The following MAX variants were observed in gnomAD, a reference collection of about 807,000 sequenced individuals.
MAX encodes the protein protein max.
A neutral mutation model predicts 22.3 loss-of-function variants in MAX; 3 were observed. That is an observed-to-expected ratio of 0.13 (90% CI 0.06 to 0.35). The LOEUF (loss-of-function observed/expected upper bound fraction) is 0.35. Among genes scored for constraint, MAX ranks in the 10% least tolerant of loss-of-function variants. The pLI is 1.00. For missense variants in MAX, 119 were observed against 209.4 expected (o/e 0.57, Z 2.66); for synonymous variants, 72 against 77.7 (o/e 0.93, Z 0.39).
Position 65,023,590 on chromosome 14 carries a change from G to A in MAX, c.172-17306C>T, listed in dbSNP as rs113783084. Among the ~76,000 whole-genome samples the A allele has an allele frequency of 2.4e-3, 367 of 152,268 alleles. No individual in the cohort carries two copies. Among genetic ancestry groups the A allele is most frequent in the Non-Finnish European group, 3.7e-3 (255 of 68,020 alleles). ...TATAGGTGTCTATAAACATCTATAC[G>A]TGTTCTATATTGGCCACTAGCCACA... On this transcript the variant is annotated intron_variant, in intron 3 of 3. Transcript: ENST00000341653. This position sits in a 1 kb window ranked among gnomAD's most constrained non-coding sequence, Gnocchi z 4.1.
At position 65,078,500 on chromosome 14, in the gene MAX, T is replaced by C. The variant is rs2063120144; in HGVS notation, c.172-464A>G. On this transcript the variant is annotated intron_variant, in intron 3 of 4. Transcript: ENST00000358664. This position sits in a 1 kb window ranked among gnomAD's most constrained non-coding sequence, Gnocchi z 6.4. ...ATTATAGGTCACAGGTGTGAGCCACTGCGCCCAGCCTGTTGTTGTTGTTGT... is the reference window on the plus strand; with the variant it reads ...ATTATAGGTCACAGGTGTGAGCCACCGCGCCCAGCCTGTTGTTGTTGTTGT... 6.6e-6 allele frequency among the ~76,000 whole-genome samples: 1 copy of C among 151,588 alleles called. No individual in the cohort carries two copies. Among genetic ancestry groups the C allele is most frequent in the African/African-American group, 2.4e-5 (1 of 41,298 alleles).
At chr14:65,096,140 G>A (rs2139911891) in intron 2 of MAX, among the ~76,000 whole-genome samples, 1 of 152,306 alleles carries the variant, frequency 6.6e-6, no homozygotes, top group Non-Finnish European at 1.5e-5. Context: ...TCCACTGCCT[G>A]GTAGAAAGCC....
chr14:65,006,431 A>G (rs2061591722), intron 3 of MAX: 1 of 1,312,528 alleles, frequency 7.6e-7, no homozygotes, highest in South Asian at 1.5e-5. Flanking sequence ...AGATTAGCAA[A>G]TGACGCCATT....
intron 3 of MAX, among the ~76,000 whole-genome samples, chr14:65,033,171 G>T (rs2062118836): frequency 4.6e-5 from 7 of 152,184 alleles, no homozygotes; most frequent in Admixed American, 4.6e-4. Flanking sequence ...CAGTGAAAAT[G>T]AATGAACTAG....
rs1566605902 is a variant in MAX at position 65,082,105 on chromosome 14, A to G, written c.172-4069T>C. 1 of 152,224 alleles carries G rather than the reference A, an allele frequency of 6.6e-6. No homozygotes were observed. The highest frequency in any genetic ancestry group is 1.5e-5 in the Non-Finnish European group (1 of 68,034). The allele number at this position is 152,224 out of a possible 1,614,324, so 9.4% of individuals were successfully genotyped here. ...CTATTTTATAAATGAGGAAACCGAG[A>G]CACAGAGCTGTAATTTACCCAATGT... is the stretch of plus-strand genomic sequence containing the variant. On this transcript the variant is annotated intron_variant, in intron 3 of 4. Coordinates refer to ENST00000358664, the MANE Select transcript of MAX (RefSeq NM_002382.5). The surrounding 1 kb of genome is among the most constrained non-coding windows in gnomAD (Gnocchi z 4.8).
At chr14:65,070,533 C>A (rs570688760), downstream of MAX, among the ~76,000 whole-genome samples, 1 of 152,180 alleles carries the variant, frequency 6.6e-6, no homozygotes, top group Non-Finnish European at 1.5e-5. The surrounding 1 kb of genome is among the most constrained non-coding windows in gnomAD (Gnocchi z 4.4). Context: ...TAGCACAGGG[C>A]GCAGGAGGGG....
chr14:65,083,597 G>A (rs1288152804), intron 3 of MAX: 2 of 430,686 alleles, frequency 4.6e-6, no homozygotes, highest in African/African-American at 2.1e-5. Context: ...CAATGCTGAC[G>A]TGAGAAACAA....
chr14:65,044,516 G>C lies in MAX; in HGVS notation c.172-38232C>G, dbSNP rs975484730. ...TACTCACAAAGTCTGGAAGCCCAGC[G>C]TGCTTTTTTAGAGGGGTTGAAATGA... On this transcript the variant is annotated intron_variant, in intron 3 of 3. Transcript: ENST00000341653. The surrounding 1 kb of genome is among the most constrained non-coding windows in gnomAD (Gnocchi z 5.5). 1.0e-5 allele frequency: 16 copies of C among 1,547,808 alleles called. No homozygotes were observed. The highest frequency in any genetic ancestry group is 1.4e-5 in the Non-Finnish European group (16 of 1,152,684).
chr14:65,092,710 G>A (rs2063543943), intron 3 of MAX, among the ~76,000 whole-genome samples: 1 of 152,170 alleles, frequency 6.6e-6, no homozygotes, highest in African/African-American at 2.4e-5. Context: ...CTTAGATAAA[G>A]TATAGAGGCC....
At chr14:65,070,749 G>A (rs1341247838), downstream of MAX, among the ~76,000 whole-genome samples, 1 of 152,250 alleles carries the variant, frequency 6.6e-6, no homozygotes, top group Non-Finnish European at 1.5e-5. The surrounding 1 kb of genome is among the most constrained non-coding windows in gnomAD (Gnocchi z 4.4). Context: ...CCCTGAAGGG[G>A]AAGGCTGAAA....
Position 65,054,483 on chromosome 14 carries a change from G to A in MAX, c.171+39225C>T. ...ACATGGAGGATGGGGGGGGACGTGT[G>A]ATTGCACCAGTGGTCTCTGAATTGG... On this transcript the variant is annotated intron_variant, in intron 3 of 3. Transcript: ENST00000341653. The surrounding 1 kb of genome is among the most constrained non-coding windows in gnomAD (Gnocchi z 4.4). 2.3e-6 allele frequency: 3 copies of A among 1,290,962 alleles called. No individual in the cohort carries two copies. The highest frequency in any genetic ancestry group is 1.5e-5 in the African/African-American group (1 of 68,240). The allele number at this position is 1,290,962 out of a possible 1,614,324, so 80.0% of individuals were successfully genotyped here. A position where few individuals can be genotyped will look rare whatever the true frequency, so the allele number is the denominator to read the frequency against.
intron 3 of MAX, among the ~76,000 whole-genome samples, chr14:65,021,050 G>A (rs1030634868): frequency 2.6e-5 from 4 of 152,174 alleles, no homozygotes; most frequent in African/African-American, 7.2e-5. Context: ...CTTTTAAGAG[G>A]TTATATGCAC....
chr14:65,049,267 G>A (rs1440764315), intron 3 of MAX, among the ~76,000 whole-genome samples: 1 of 152,120 alleles, frequency 6.6e-6, no homozygotes, highest in Non-Finnish European at 1.5e-5. Context: ...TTTCTTATAT[G>A]TTCTTTTGGA....
rs1005758408 is a variant in MAX, at chr14:65,047,355, C to T, written c.172-41071G>A. The stretch of plus-strand genomic sequence containing the variant: ...AGGGTTAGTATGTGGTTGTGTGAAT[C>T]CAGACTAGCTGGCATCTGAACCCTG... On this transcript the variant is annotated intron_variant, in intron 3 of 3. Transcript: ENST00000341653. The surrounding 1 kb of genome is among the most constrained non-coding windows in gnomAD (Gnocchi z 5.2). 6.6e-6 allele frequency among the ~76,000 whole-genome samples: 1 copy of T among 152,224 alleles called. No individual in the cohort carries two copies. Among genetic ancestry groups the T allele is most frequent in the African/African-American group, 2.4e-5 (1 of 41,458 alleles).
In MAX at chr14:65,062,892, G is replaced by A. The variant is rs1566587362; in HGVS notation, c.171+30816C>T. ...TCCCTGGGGTAATTCGGTATGCTAT[G>A]TCCCAGCCCTCCACACACTGCACTT... On this transcript the variant is annotated intron_variant, in intron 3 of 3. Transcript: ENST00000341653. This position sits in a 1 kb window ranked among gnomAD's most constrained non-coding sequence, Gnocchi z 4.3. Among the ~76,000 whole-genome samples the A allele has an allele frequency of 6.6e-6, 1 of 152,202 alleles. No individual in the cohort carries two copies. Among genetic ancestry groups the A allele is most frequent in the African/African-American group, 2.4e-5 (1 of 41,454 alleles).
intron 3 of MAX, chr14:65,015,573 G>A: frequency 1.2e-6 from 2 of 1,601,360 alleles, no homozygotes; most frequent in East Asian, 2.2e-5. Flanking sequence ...TGGCAGCAGT[G>A]TCTTGGAGTG....
In MAX at chr14:65,069,507, C is replaced by T. The variant is rs2062964902; in HGVS notation, c.171+24201G>A. On this transcript the variant is annotated intron_variant, in intron 3 of 3. Coordinates refer to the MAX transcript ENST00000341653. This position sits in a 1 kb window ranked among gnomAD's most constrained non-coding sequence, Gnocchi z 4.6. The stretch of plus-strand genomic sequence containing the variant: ...GCAAGGCCCAGCCTTTATAAGCTGC[C>T]TAGATTGCCCCAGTAGCCAGCACAA... 6.6e-6 allele frequency among the ~76,000 whole-genome samples: 1 copy of T among 152,238 alleles called. No homozygotes were observed. The highest frequency in any genetic ancestry group is 2.4e-5 in the African/African-American group (1 of 41,458).
rs565638965 is a variant in MAX, at chr14:65,057,889, C to G, written c.171+35819G>C. Among the ~76,000 whole-genome samples, 45 of 152,298 alleles carry G rather than the reference C, an allele frequency of 3.0e-4. 1 individual carries two copies. The highest frequency in any genetic ancestry group is 3.4e-3 in the Middle Eastern group (1 of 294). ...CATGAAGGGGCCCTGTTTCTGGACT[C>G]TCTTATTTTGTTCCTTTGGTCTGTT... On this transcript the variant is annotated intron_variant, in intron 3 of 3. Transcript: ENST00000341653.
intron 3 of MAX, among the ~76,000 whole-genome samples, chr14:65,038,545 C>T (rs1291438558): frequency 3.3e-5 from 5 of 151,632 alleles, no homozygotes; most frequent in Non-Finnish European, 7.4e-5. Flanking sequence ...TGGTGAAACC[C>T]TGTCTTTACT....
Sources: gnomAD v4.1 joint callset for allele counts (sites outside exome capture counted in the v4.1 genomes callset) on GRCh38, gnomAD v4.1.1 for gene constraint, Gnocchi (gnomAD v3.1) non-coding constraint, MANE v1.5 for transcripts, NCBI Gene and HGNC (gene_info 2026-07-23, HGNC 2026-07-21) for gene names.